Variants in BAALC observed in about 807,000 individuals in gnomAD.
BAALC encodes the protein brain and acute leukemia cytoplasmic protein.
Under a neutral mutation model 15.5 loss-of-function variants are expected in BAALC, and 9 were observed. The ratio of observed to expected loss-of-function variants is 0.58; its 90% CI spans 0.35 to 1.02. The LOEUF is 1.02. BAALC is among the 50% of genes least tolerant of loss of function. The pLI, the probability that BAALC is intolerant of heterozygous loss-of-function variation, is 0.02. For synonymous variants in BAALC, 80 were observed against 74.6 expected, an observed-to-expected ratio of 1.07 and a Z score of -0.37; for missense variants, 201 against 192.4, an observed-to-expected ratio of 1.04 and a Z score of -0.27.
intron 1 of BAALC, chr8:103,198,013 A>G: frequency 1.6e-6 from 1 of 637,646 alleles, no homozygotes; most frequent in Non-Finnish European, 2.8e-6. Context: ...CTCTGTGAGG[A>G]CTAACCATGC....
rs193054160 is a variant in BAALC at position 103,227,178 on chromosome 8, C to T, written c.328-811C>T. The stretch of plus-strand genomic sequence containing the variant: ...GTCATTCTTCCTGACTGTGTGTGTG[C>T]GTGTATGTGTGTGTGTGTATTTGTG... On this transcript the variant is annotated intron_variant, in intron 2 of 2. Transcript: ENST00000309982. Among the ~76,000 whole-genome samples, 613 of 151,982 alleles carry T rather than the reference C, an allele frequency of 4.0e-3. 1 individual carries two copies. Among genetic ancestry groups the T allele is most frequent in the Non-Finnish European group, 6.0e-3 (406 of 67,966 alleles).
intron 1 of BAALC, among the ~76,000 whole-genome samples, chr8:103,173,575 G>T (rs1811544942): frequency 6.6e-6 from 1 of 152,104 alleles, no homozygotes; most frequent in Admixed American, 6.5e-5. Context: ...GATCCCCCCA[G>T]GAATTTGCTG....
At chr8:103,142,575 C>T (rs530601557) in intron 1 of BAALC, among the ~76,000 whole-genome samples, 5 of 150,760 alleles carry the variant, frequency 3.3e-5, no homozygotes, top group South Asian at 4.2e-4. Flanking sequence ...AGATGTACTC[C>T]GAAGAAATAA....
chr8:103,166,708 T>C (rs531423890), intron 1 of BAALC, among the ~76,000 whole-genome samples: 95 of 152,328 alleles, frequency 6.2e-4, no homozygotes, highest in Middle Eastern at 6.8e-3. Context: ...TCAAACCCAA[T>C]GAACACATTC....
intron 1 of BAALC, among the ~76,000 whole-genome samples, chr8:103,195,890 A>G (rs772913795): frequency 6.6e-6 from 1 of 152,212 alleles, no homozygotes; most frequent in Non-Finnish European, 1.5e-5. Context: ...CAGACATGGA[A>G]CAAATGATAC....
intron 1 of BAALC, among the ~76,000 whole-genome samples, chr8:103,164,823 C>T (rs372188384): frequency 5.4e-4 from 82 of 152,334 alleles, no homozygotes; most frequent in African/African-American, 1.6e-3. Context: ...CTTCTCATTG[C>T]TATTTCCACT....
chr8:103,172,733 T>C (rs6985372), intron 1 of BAALC, among the ~76,000 whole-genome samples: 1,567 of 152,202 alleles, frequency 0.01, 25 homozygotes, highest in African/African-American at 0.034. Context: ...GAGCTCTATA[T>C]CCCCAAGCTC....
In BAALC at chr8:103,141,416, G is replaced by C. The variant is rs1453500535; in HGVS notation, c.160+359G>C. ...CCCTGATCCGCCCAGGGCCGCCTCC[G>C]CCCCGCTTTGGCCCATCTGCCATCC... On this transcript the variant is annotated intron_variant, in intron 1 of 2. Coordinates refer to ENST00000309982, the MANE Select transcript of BAALC (RefSeq NM_024812.3). The C allele has an allele frequency of 1.8e-5, 4 of 222,424 alleles. No individual in the cohort carries two copies. In the Admixed American group the frequency reaches 2.3e-4, roughly 13 times the overall value. The allele number at this position is 222,424 out of a possible 1,614,324, so 13.8% of individuals were successfully genotyped here. A position where few individuals can be genotyped will look rare whatever the true frequency, so the allele number is the denominator to read the frequency against.
At chr8:103,192,115 G>A (rs144942439) in intron 1 of BAALC, among the ~76,000 whole-genome samples, 2,123 of 152,150 alleles carry the variant, frequency 0.014, 50 homozygotes, top group African/African-American at 0.049. Context: ...GCAATGGTGC[G>A]ATCTCAGCTC....
chr8:103,168,412 T>C (rs1004102553), intron 1 of BAALC, among the ~76,000 whole-genome samples: 1 of 152,214 alleles, frequency 6.6e-6, no homozygotes, highest in Non-Finnish European at 1.5e-5. Flanking sequence ...GTGTTCTTTG[T>C]TGGTGTTTTG....
chr8:103,159,765 GT>G (rs2129900403), intron 1 of BAALC, among the ~76,000 whole-genome samples: 1 of 152,118 alleles, frequency 6.6e-6, no homozygotes, highest in African/African-American at 2.4e-5. Context: ...GGCTTATTAT[GT>G]TTTTATAGGC....
intron 1 of BAALC, among the ~76,000 whole-genome samples, chr8:103,146,649 A>G (rs1810887295): frequency 6.6e-6 from 1 of 152,162 alleles, no homozygotes; most frequent in Non-Finnish European, 1.5e-5. Flanking sequence ...TAGACCCCAG[A>G]GATGATGTTC....
intron 2 of BAALC, among the ~76,000 whole-genome samples, chr8:103,216,738 A>C (rs1007290027): frequency 1.3e-5 from 2 of 152,194 alleles, no homozygotes; most frequent in Admixed American, 6.5e-5. Context: ...ACCCTACCAA[A>C]GTGCTAGGAT....
intron 1 of BAALC, among the ~76,000 whole-genome samples, chr8:103,178,515 A>C (rs556224037): frequency 6.6e-6 from 1 of 152,216 alleles, no homozygotes; most frequent in Admixed American, 6.5e-5. Flanking sequence ...GAGCACACAG[A>C]TCACTCTGTA....
chr8:103,206,545 A>T (rs1257649264), intron 1 of BAALC, among the ~76,000 whole-genome samples: 1 of 152,104 alleles, frequency 6.6e-6, no homozygotes, highest in East Asian at 1.9e-4. Context: ...GTCAAACCCC[A>T]CTAGAAGCCG....
chr8:103,196,599 G>T (rs1448970155), intron 1 of BAALC, among the ~76,000 whole-genome samples: 3 of 152,152 alleles, frequency 2.0e-5, no homozygotes, highest in Non-Finnish European at 4.4e-5. Context: ...AGCTCTAAAA[G>T]AATGCACTGG....
intron 1 of BAALC, among the ~76,000 whole-genome samples, chr8:103,187,302 G>C (rs971552863): frequency 6.6e-6 from 1 of 152,146 alleles, no homozygotes. Flanking sequence ...TCAATGTCTA[G>C]AGACATTTTG....
At chr8:103,183,971 T>A (rs1811782056) in intron 1 of BAALC, among the ~76,000 whole-genome samples, 1 of 152,212 alleles carries the variant, frequency 6.6e-6, no homozygotes, top group African/African-American at 2.4e-5. Flanking sequence ...AGAAGCCTGA[T>A]ATGTTGTCAT....
intron 1 of BAALC, among the ~76,000 whole-genome samples, chr8:103,167,287 C>T (rs1329822601): frequency 6.6e-6 from 1 of 152,044 alleles, no homozygotes; most frequent in Non-Finnish European, 1.5e-5. Context: ...AGACATAGTC[C>T]TAGGCACTCA....
Sources: gnomAD v4.1 joint callset for allele counts (sites outside exome capture counted in the v4.1 genomes callset) on GRCh38, gnomAD v4.1.1 for gene constraint, MANE v1.5 for transcripts, NCBI Gene and HGNC (gene_info 2026-07-23, HGNC 2026-07-21) for gene names.